ARSB: variants seen among roughly 807,000 people sequenced by gnomAD.
ARSB encodes N-acetylgalactosamine-4-sulfatase.
In ARSB, 41 loss-of-function variants were observed where a neutral mutation model predicts 50.9. The observed-to-expected ratio is 0.81, with a 90% CI of 0.63 to 1.04. ARSB has a LOEUF of 1.04. Ranked by LOEUF, ARSB falls within the 50% of genes least tolerant of loss-of-function variation. ARSB has a pLI of 0.00. For synonymous variants in ARSB, 269 were observed against 284.8 expected, an observed-to-expected ratio of 0.94 and a Z score of 0.56; for missense variants, 672 against 693.3, an observed-to-expected ratio of 0.97 and a Z score of 0.35.
At chr5:78,942,488 T>C (rs1287528433) in intron 4 of ARSB, among the ~76,000 whole-genome samples, 1 of 152,186 alleles carries the variant, frequency 6.6e-6, no homozygotes, top group Non-Finnish European at 1.5e-5. Flanking sequence ...TTGTATCTTT[T>C]TTCTCATTGG....
intron 6 of ARSB, among the ~76,000 whole-genome samples, chr5:78,818,667 A>G (rs547003252): frequency 2.7e-3 from 312 of 117,332 alleles, no homozygotes; most frequent in Non-Finnish European, 3.0e-3. Flanking sequence ...GCTGGAGTGC[A>G]GTGGCGTGAT....
chr5:78,943,373 C>T (rs337871), intron 4 of ARSB, among the ~76,000 whole-genome samples: 83,516 of 151,922 alleles, frequency 0.55, 22,808 homozygotes, highest in East Asian at 0.67. Context: ...TTCCTAGCCT[C>T]GATGGTCTTT....
At chr5:78,943,519 T>C (rs1271794542) in intron 4 of ARSB, among the ~76,000 whole-genome samples, 1 of 152,208 alleles carries the variant, frequency 6.6e-6, no homozygotes, top group Non-Finnish European at 1.5e-5. Context: ...AAGTATTTTA[T>C]TTCTCCTTCA....
intron 6 of ARSB, among the ~76,000 whole-genome samples, chr5:78,809,068 G>T (rs982691671): frequency 3.9e-5 from 6 of 152,212 alleles, no homozygotes; most frequent in African/African-American, 1.4e-4. Context: ...TGCTGGGAGG[G>T]ATACAGAGAT....
intron 3 of ARSB, among the ~76,000 whole-genome samples, chr5:78,962,950 A>G (rs1046523603): frequency 6.6e-6 from 1 of 152,146 alleles, no homozygotes; most frequent in African/African-American, 2.4e-5. Context: ...CCAAGTCCAA[A>G]CAGGTATGTA....
At chr5:78,910,553 G>A (rs1049222350) in intron 4 of ARSB, among the ~76,000 whole-genome samples, 1 of 152,180 alleles carries the variant, frequency 6.6e-6, no homozygotes, top group Non-Finnish European at 1.5e-5. Flanking sequence ...AAAAATAAGA[G>A]AGATATGGAT....
At position 78,876,362 on chromosome 5, in the gene ARSB, T is replaced by C. The variant is rs139866854; in HGVS notation, c.1142+9222A>G. Among the ~76,000 whole-genome samples the C allele has an allele frequency of 8.8e-4, 134 of 152,362 alleles. 1 individual carries two copies. Among genetic ancestry groups the C allele is most frequent in the Admixed American group, 2.5e-3 (38 of 15,308 alleles). Reference sequence around the variant, plus strand: ...AGTAAAGGCACAATAAATTTTTCTTTGGATACTTCTGCTTCCAGCCAAATT... The same window carrying C: ...AGTAAAGGCACAATAAATTTTTCTTCGGATACTTCTGCTTCCAGCCAAATT... On this transcript the variant is annotated intron_variant, in intron 5 of 7. Transcript: ENST00000264914.
chr5:78,872,332 C>G (rs1011298863), intron 5 of ARSB, among the ~76,000 whole-genome samples: 11 of 150,844 alleles, frequency 7.3e-5, no homozygotes, highest in African/African-American at 2.2e-4. Flanking sequence ...ACCCAAATGA[C>G]TATAAATCAT....
chr5:78,939,064 C>A (rs1164776003), intron 4 of ARSB, among the ~76,000 whole-genome samples: 1 of 152,194 alleles, frequency 6.6e-6, no homozygotes, highest in African/African-American at 2.4e-5. Flanking sequence ...TGAATCTATG[C>A]ACTCTGATGC....
chr5:78,924,466 G>A (rs962015433), intron 4 of ARSB, among the ~76,000 whole-genome samples: 4 of 152,106 alleles, frequency 2.6e-5, no homozygotes, highest in African/African-American at 9.7e-5. Context: ...CAATTTTCTG[G>A]AGCCTGTCCT....
chr5:78,852,198 C>T (rs1745838091), intron 5 of ARSB, among the ~76,000 whole-genome samples: 1 of 152,198 alleles, frequency 6.6e-6, no homozygotes. Context: ...GCGGCTGGTA[C>T]CGATTGTTCC....
chr5:78,899,164 T>C (rs1237151971), intron 4 of ARSB, among the ~76,000 whole-genome samples: 1 of 152,214 alleles, frequency 6.6e-6, no homozygotes, highest in Non-Finnish European at 1.5e-5. Context: ...TTAGTTTCCT[T>C]AGAGTAATCC....
At chr5:78,835,681 C>A (rs1212731731) in intron 6 of ARSB, among the ~76,000 whole-genome samples, 2 of 152,186 alleles carry the variant, frequency 1.3e-5, no homozygotes, top group Non-Finnish European at 2.9e-5. Context: ...AATGGACACA[C>A]TCCTTCTAGC....
At chr5:78,908,955 G>A (rs1157886234) in intron 4 of ARSB, among the ~76,000 whole-genome samples, 1 of 152,130 alleles carries the variant, frequency 6.6e-6, no homozygotes, top group East Asian at 1.9e-4. Context: ...ACTATGTGCT[G>A]CCCTTGAAAG....
chr5:78,946,250 AT>A (rs1402843163), intron 4 of ARSB, among the ~76,000 whole-genome samples: 1 of 152,232 alleles, frequency 6.6e-6, no homozygotes, highest in Non-Finnish European at 1.5e-5. Flanking sequence ...AGCTAGAGTA[AT>A]CAGACAAGAG....
chr5:78,821,684 G>A (rs948868079), intron 6 of ARSB, among the ~76,000 whole-genome samples: 3 of 152,186 alleles, frequency 2.0e-5, no homozygotes. Context: ...AGGAGGCGGT[G>A]CATATCTTCT....
intron 4 of ARSB, among the ~76,000 whole-genome samples, chr5:78,949,351 G>C (rs1751397143): frequency 6.6e-6 from 1 of 152,166 alleles, no homozygotes; most frequent in African/African-American, 2.4e-5. Context: ...TGATTTGAAT[G>C]CAACCAGTAT....
intron 4 of ARSB, among the ~76,000 whole-genome samples, chr5:78,941,723 G>C (rs1393083617): frequency 6.6e-6 from 1 of 152,116 alleles, no homozygotes; most frequent in Admixed American, 6.5e-5. Flanking sequence ...TGTTCATCAA[G>C]GATATTGGTC....
At chr5:78,796,400 G>A (rs1248874793) in intron 6 of ARSB, among the ~76,000 whole-genome samples, 3 of 152,196 alleles carry the variant, frequency 2.0e-5, no homozygotes, top group Non-Finnish European at 2.9e-5. Flanking sequence ...AGTGCTAGGA[G>A]ATTCCAAAAG....
Sources: allele counts gnomAD v4.1 joint callset (sites outside exome capture counted in the v4.1 genomes callset), GRCh38; gene constraint gnomAD v4.1.1; transcripts MANE v1.5; gene names NCBI Gene and HGNC (gene_info 2026-07-23, HGNC 2026-07-21).